The following ABHD18 variants were observed in gnomAD, a reference collection of about 807,000 sequenced individuals.
ABHD18 encodes abhydrolase domain containing 18.
In ABHD18, 55 loss-of-function variants were observed where a neutral mutation model predicts 65.9. The ratio of observed to expected loss-of-function variants is 0.84; its 90% CI spans 0.67 to 1.05. The LOEUF (loss-of-function observed/expected upper bound fraction) is 1.05. Among genes scored for constraint, ABHD18 ranks in the 50% least tolerant of loss-of-function variants. The pLI is 0.00. For missense variants in ABHD18, 533 were observed against 558.5 expected (o/e 0.95, Z 0.46); for synonymous variants, 181 against 180.2 (o/e 1.00, Z -0.04).
intron 4 of ABHD18, among the ~76,000 whole-genome samples, chr4:128,004,546 A>G (rs1753262493): frequency 1.3e-5 from 2 of 152,210 alleles, no homozygotes; most frequent in African/African-American, 4.8e-5. Context: ...TAGCTCTTCA[A>G]TGGAAAAACT....
chr4:128,006,418 T>C (rs982326930), intron 4 of ABHD18, among the ~76,000 whole-genome samples: 1 of 152,214 alleles, frequency 6.6e-6, no homozygotes, highest in Non-Finnish European at 1.5e-5. Context: ...GTTCTCGTTA[T>C]GAGATTGAAA....
intron 4 of ABHD18, among the ~76,000 whole-genome samples, chr4:127,995,150 G>A (rs1262964635): frequency 6.6e-6 from 1 of 152,184 alleles, no homozygotes; most frequent in Non-Finnish European, 1.5e-5. Context: ...AAAATGCTGG[G>A]ATTACAGGCG....
chr4:128,018,636 A>T (rs1177213317), intron 8 of ABHD18, among the ~76,000 whole-genome samples: 1 of 151,894 alleles, frequency 6.6e-6, no homozygotes, highest in Non-Finnish European at 1.5e-5. Context: ...CAGAAGCGAG[A>T]TTCTATCTCA....
intron 7 of ABHD18, among the ~76,000 whole-genome samples, chr4:128,016,164 G>A (rs1755458754): frequency 6.6e-6 from 1 of 151,776 alleles, no homozygotes; most frequent in African/African-American, 2.4e-5. Flanking sequence ...CTATTGGTCA[G>A]GCTGGTCTCT....
chr4:127,968,913 C>A (rs1048996690), intron 1 of ABHD18, among the ~76,000 whole-genome samples: 1 of 152,018 alleles, frequency 6.6e-6, no homozygotes, highest in African/African-American at 2.4e-5. Context: ...CCCAGCCAAC[C>A]CTGTCTAGAA....
chr4:127,996,762 A>T (rs969257088), intron 4 of ABHD18, among the ~76,000 whole-genome samples: 1 of 152,182 alleles, frequency 6.6e-6, no homozygotes, highest in African/African-American at 2.4e-5. Flanking sequence ...ACCCCCAGGA[A>T]TGTATTCCTT....
intron 4 of ABHD18, among the ~76,000 whole-genome samples, chr4:128,004,936 A>T (rs1753347037): frequency 6.9e-6 from 1 of 145,024 alleles, no homozygotes; most frequent in Admixed American, 7.0e-5. Flanking sequence ...CAAAACAAAA[A>T]TTATACATGA....
intron 4 of ABHD18, among the ~76,000 whole-genome samples, chr4:128,002,766 C>T (rs952844026): frequency 6.6e-6 from 1 of 151,858 alleles, no homozygotes; most frequent in Non-Finnish European, 1.5e-5. Context: ...GCCTCAGCCT[C>T]CCGAGTAGCT....
rs572717866 is a variant in ABHD18, at chr4:128,034,246, C to T, written c.1344-1516C>T. ...TGCTGGGATTACAGGCGTAAGCCAC[C>T]GCGCCTGGCCTAGACATGCATTTTC... On this transcript the variant is annotated intron_variant, in intron 12 of 12. Coordinates refer to ENST00000645843, the MANE Select transcript of ABHD18 (RefSeq NM_001358451.3). 3.4e-4 allele frequency among the ~76,000 whole-genome samples: 52 copies of T among 152,154 alleles called. 2 individuals carry two copies. The highest frequency in any genetic ancestry group is 3.4e-3 in the Middle Eastern group (1 of 294).
At position 128,037,737 on chromosome 4, in the gene ABHD18, T is replaced by C. The variant is rs1351050078; in HGVS notation, c.*1924T>C. On this transcript the variant is annotated 3_prime_UTR_variant, in exon 13 of 13. Transcript: ENST00000645843. The stretch of plus-strand genomic sequence containing the variant: ...CCAAATACTTAACAGCCTTGGCTTT[T>C]AATTTCAAAATTTAATAGACACATA... 1 of 152,180 alleles carries C rather than the reference T, an allele frequency of 6.6e-6. No individual in the cohort carries two copies. Among genetic ancestry groups the C allele is most frequent in the Non-Finnish European group, 1.5e-5 (1 of 68,038 alleles). 9.4% of individuals were successfully genotyped at this position (152,180 alleles called of 1,614,324 possible). A position where few individuals can be genotyped will look rare whatever the true frequency, so the allele number is the denominator to read the frequency against.
intron 2 of ABHD18, among the ~76,000 whole-genome samples, chr4:127,983,912 G>A (rs996202023): frequency 4.6e-5 from 7 of 152,018 alleles, no homozygotes; most frequent in African/African-American, 1.7e-4. Flanking sequence ...GGTGGCACAT[G>A]CCTGTAATCC....
chr4:128,009,329 A>G (rs1754153660), intron 6 of ABHD18, 138 bp downstream of exon 6: 3 of 469,368 alleles, frequency 6.4e-6, no homozygotes, highest in Non-Finnish European at 1.1e-5. Context: ...TTAAGGAGCA[A>G]GAATCAAAAG....
At chr4:128,007,739 C>CA (rs57540305) in intron 4 of ABHD18, among the ~76,000 whole-genome samples, 10,798 of 114,014 alleles carry the variant, frequency 0.095, 776 homozygotes, top group East Asian at 0.31. Context: ...ACCCTGTCTC[C>CA]AAAAAAAAAA....
At chr4:128,029,242 C>A (rs945375656) in intron 11 of ABHD18, among the ~76,000 whole-genome samples, 1 of 151,978 alleles carries the variant, frequency 6.6e-6, no homozygotes, top group Non-Finnish European at 1.5e-5. Context: ...GCCTGTAGTT[C>A]CAGCTACTTG....
chr4:127,986,203 C>CT (rs1278805435), intron 3 of ABHD18, among the ~76,000 whole-genome samples: 20 of 152,196 alleles, frequency 1.3e-4, no homozygotes, highest in African/African-American at 4.3e-4. Flanking sequence ...TGCTGGCAAT[C>CT]ACTAGTCTAC....
Position 127,965,412 on chromosome 4 carries a change from C to G in ABHD18, c.-212C>G. On this transcript the variant is annotated 5_prime_UTR_variant, in exon 1 of 13. Transcript: ENST00000645843. ...GAGAGCTCGGGGCGTGTCCAAACTGCCGCGCCGCCCTGCTCCGGGTTTGTC... is the reference window on the plus strand; with the variant it reads ...GAGAGCTCGGGGCGTGTCCAAACTGGCGCGCCGCCCTGCTCCGGGTTTGTC... 5.3e-6 allele frequency: 3 copies of G among 567,676 alleles called. No individual in the cohort carries two copies. The South Asian group carries it at 6.0e-5, about 11-fold the overall frequency. The allele number at this position is 567,676 out of a possible 1,614,324, so 35.2% of individuals were successfully genotyped here. A position where few individuals can be genotyped will look rare whatever the true frequency, so the allele number is the denominator to read the frequency against.
chr4:127,978,527 G>T (rs1006114496), intron 1 of ABHD18, among the ~76,000 whole-genome samples: 1 of 152,124 alleles, frequency 6.6e-6, no homozygotes, highest in Non-Finnish European at 1.5e-5. Flanking sequence ...AATGGTAGAA[G>T]CTTTTTGGTA....
At chr4:128,031,453 G>A (rs1272936873) in intron 12 of ABHD18, 1 of 152,124 alleles carries the variant, frequency 6.6e-6, no homozygotes, top group Non-Finnish European at 1.5e-5. Context: ...GGGAGACAGA[G>A]CGAGACTCCG....
rs1035534390 is a variant in ABHD18 at position 128,028,635 on chromosome 4, C to T, written c.962C>T (p.Ser321Phe). ...PADCHNSSKT[S>F]VSATSEGLLL... ...GACTGCCATAATTCTAGCAAAACAT[C>T]TGTCAGTGCGACATCAGAAGGACTC... Residue 321 changes from serine to phenylalanine, a missense_variant, in exon 11 of 13, where the codon TCT becomes TTT. Around this residue, in one of 3 missense-constraint regions of ABHD18, gnomAD observed 220 missense variants for 226.8 expected, o/e 0.97. Transcript: ENST00000645843. The T allele has an allele frequency of 7.4e-6, 12 of 1,613,772 alleles. No individual in the cohort carries two copies. Among genetic ancestry groups the T allele is most frequent in the Non-Finnish European group, 1.0e-5 (12 of 1,179,856 alleles).
Sources: gnomAD v4.1 joint callset for allele counts (sites outside exome capture counted in the v4.1 genomes callset) on GRCh38, gnomAD v4.1.1 for gene constraint, gnomAD v4.1.1 regional missense constraint, MANE v1.5 for transcripts, NCBI Gene and HGNC (gene_info 2026-07-23, HGNC 2026-07-21) for gene names.